The following PTCD2 variants were observed in gnomAD, a reference collection of about 807,000 sequenced individuals.
PTCD2 encodes pentatricopeptide repeat-containing protein 2, mitochondrial.
PTCD2 carries 31 observed loss-of-function variants against 42.6 expected under a neutral mutation model. The observed-to-expected ratio is 0.73, with a 90% CI of 0.55 to 0.98. PTCD2 has a LOEUF of 0.98. Among genes scored for constraint, PTCD2 ranks in the 50% least tolerant of loss-of-function variants. PTCD2 has a pLI of 0.00. For missense variants in PTCD2, 476 were observed against 454.8 expected (o/e 1.05, Z -0.42); for synonymous variants, 183 against 170.9 (o/e 1.07, Z -0.55).
At chr5:72,324,368 C>A (rs1751023023) in intron 2 of PTCD2, among the ~76,000 whole-genome samples, 1 of 152,218 alleles carries the variant, frequency 6.6e-6, no homozygotes, top group Non-Finnish European at 1.5e-5. Flanking sequence ...TTAACATACT[C>A]ATCTCTCTGG....
intron 6 of PTCD2, among the ~76,000 whole-genome samples, chr5:72,337,505 C>G (rs1751812953): frequency 6.6e-6 from 1 of 152,066 alleles, no homozygotes; most frequent in Non-Finnish European, 1.5e-5. Flanking sequence ...AATTTCAATT[C>G]TACTTAGAGG....
In PTCD2 at chr5:72,368,122, T is replaced by C. The variant is rs1301991077; in HGVS notation, c.*9695T>C. On this transcript the variant is annotated 3_prime_UTR_variant, in exon 10 of 10. Coordinates refer to ENST00000380639, the MANE Select transcript of PTCD2 (RefSeq NM_024754.5). Reference sequence around the variant, plus strand: ...AATTCCACATTTCACTTTGCAGGTGTAGACATGACTTTTAGGTTGTTGATG... The same window carrying C: ...AATTCCACATTTCACTTTGCAGGTGCAGACATGACTTTTAGGTTGTTGATG... The C allele has an allele frequency of 1.3e-5, 2 of 152,228 alleles. No homozygotes were observed. The highest frequency in any genetic ancestry group is 4.8e-5 in the African/African-American group (2 of 41,450). 9.4% of individuals were successfully genotyped at this position (152,228 alleles called of 1,614,324 possible).
Position 72,345,493 on chromosome 5 carries a change from C to T in PTCD2, c.828+2457C>T, listed in dbSNP as rs185547712. Among the ~76,000 whole-genome samples the T allele has an allele frequency of 5.8e-4, 89 of 152,288 alleles. 1 individual carries two copies. In the East Asian group the frequency reaches 0.012, roughly 21 times the overall value. ...ACGGGATTAAGAGATTAAAGACAGG[C>T]ATAGGAAATCACAAGGGTATTGATT... On this transcript the variant is annotated intron_variant, in intron 8 of 9. Coordinates refer to ENST00000380639, the MANE Select transcript of PTCD2 (RefSeq NM_024754.5).
chr5:72,363,110 A>G lies in PTCD2; in HGVS notation c.*4683A>G, dbSNP rs1561403691. The G allele has an allele frequency of 6.6e-6, 1 of 152,248 alleles. No homozygotes were observed. Among genetic ancestry groups the G allele is most frequent in the Admixed American group, 6.5e-5 (1 of 15,280 alleles). The allele number at this position is 152,248 out of a possible 1,614,324, so 9.4% of individuals were successfully genotyped here. A position where few individuals can be genotyped will look rare whatever the true frequency, so the allele number is the denominator to read the frequency against. On this transcript the variant is annotated 3_prime_UTR_variant, in exon 10 of 10. Transcript: ENST00000380639. Reference sequence around the variant, plus strand: ...AAAACTTCTTATGAACTCTGGTTATACTGAAAACAGGAGTCATGGGAGACT... The same window carrying G: ...AAAACTTCTTATGAACTCTGGTTATGCTGAAAACAGGAGTCATGGGAGACT...
chr5:72,327,070 C>T (rs1751181743), intron 3 of PTCD2, among the ~76,000 whole-genome samples: 1 of 152,238 alleles, frequency 6.6e-6, no homozygotes, highest in Non-Finnish European at 1.5e-5. Flanking sequence ...TTCCTTCTCA[C>T]TGGCTAGTCA....
Position 72,363,099 on chromosome 5 carries a change from A to T in PTCD2, c.*4672A>T, listed in dbSNP as rs1009986485. On this transcript the variant is annotated 3_prime_UTR_variant, in exon 10 of 10. Transcript: ENST00000380639. ...TGCAGTGAACTAAAACTTCTTATGAACTCTGGTTATACTGAAAACAGGAGT... is the reference window on the plus strand; with the variant it reads ...TGCAGTGAACTAAAACTTCTTATGATCTCTGGTTATACTGAAAACAGGAGT... The T allele has an allele frequency of 6.6e-6, 1 of 152,114 alleles. No homozygotes were observed. The highest frequency in any genetic ancestry group is 1.5e-5 in the Non-Finnish European group (1 of 68,018). The allele number at this position is 152,114 out of a possible 1,614,324, so 9.4% of individuals were successfully genotyped here. A position where few individuals can be genotyped will look rare whatever the true frequency, so the allele number is the denominator to read the frequency against.
chr5:72,321,685 C>A (rs555630471), intron 1 of PTCD2, among the ~76,000 whole-genome samples: 1 of 152,296 alleles, frequency 6.6e-6, no homozygotes, highest in South Asian at 2.1e-4. Context: ...ATCTGAGAGG[C>A]CTTAACCCCC....
At chr5:72,353,030 A>G (rs1395967097) in intron 9 of PTCD2, among the ~76,000 whole-genome samples, 1 of 152,044 alleles carries the variant, frequency 6.6e-6, no homozygotes, top group Admixed American at 6.6e-5. Context: ...CTTCTAGATG[A>G]CGATTTTACA....
chr5:72,344,893 A>G (rs940425198), intron 8 of PTCD2, among the ~76,000 whole-genome samples: 1 of 152,198 alleles, frequency 6.6e-6, no homozygotes, highest in African/African-American at 2.4e-5. Context: ...GTAGAATATC[A>G]CAAGGTAAAT....
rs545731866 is a variant in PTCD2, at chr5:72,358,482, C to G, written c.*55C>G. 4.2e-5 allele frequency: 56 copies of G among 1,336,138 alleles called. No homozygotes were observed. In the South Asian group the frequency reaches 6.5e-4, roughly 15 times the overall value. 82.8% of individuals were successfully genotyped at this position (1,336,138 alleles called of 1,614,324 possible). On this transcript the variant is annotated 3_prime_UTR_variant, in exon 10 of 10. Coordinates refer to ENST00000380639, the MANE Select transcript of PTCD2 (RefSeq NM_024754.5). Reference sequence around the variant, plus strand: ...GGGGCCTGCTTCTAGTGAGTTATTACCTTTCCTAAGAAGCCAGGTATCGCA... The same window carrying G: ...GGGGCCTGCTTCTAGTGAGTTATTAGCTTTCCTAAGAAGCCAGGTATCGCA...
At chr5:72,324,504 C>G (rs929552454) in intron 2 of PTCD2, among the ~76,000 whole-genome samples, 6 of 152,178 alleles carry the variant, frequency 3.9e-5, no homozygotes, top group African/African-American at 1.2e-4. Context: ...ATTTCCTTAC[C>G]TAGAATATCC....
chr5:72,345,551 A>G (rs1752316980), intron 8 of PTCD2, among the ~76,000 whole-genome samples: 1 of 152,236 alleles, frequency 6.6e-6, no homozygotes. Context: ...AAATCTTAAC[A>G]ATTTATGTTC....
chr5:72,320,585 T>A, intron 1 of PTCD2, 76 bp downstream of exon 1: 2 of 1,590,656 alleles, frequency 1.3e-6, no homozygotes, highest in Non-Finnish European at 1.7e-6. Context: ...CTAGCATCTC[T>A]GTGGAGCAGC....
intron 2 of PTCD2, among the ~76,000 whole-genome samples, chr5:72,325,797 C>T (rs758917417): frequency 1.3e-5 from 2 of 152,212 alleles, no homozygotes; most frequent in Non-Finnish European, 2.9e-5. Context: ...GTTCTGCCTT[C>T]TGGAAAGCAG....
At chr5:72,326,807 T>C in intron 3 of PTCD2, 66 bp downstream of exon 3, 1 of 1,538,158 alleles carries the variant, frequency 6.5e-7, no homozygotes, top group Non-Finnish European at 8.8e-7. Flanking sequence ...CTATGAGCAG[T>C]CTGATCCACT....
chr5:72,328,994 G>A (rs1751286588), intron 3 of PTCD2, among the ~76,000 whole-genome samples: 1 of 152,140 alleles, frequency 6.6e-6, no homozygotes, highest in African/African-American at 2.4e-5. Context: ...AAGTCACACT[G>A]TATCTACAAA....
In PTCD2 at chr5:72,354,382, GAAAAAAAAAAAA is replaced by G. The variant is rs35170727; in HGVS notation, c.942+1643_942+1654del. The stretch of plus-strand genomic sequence containing the variant: ...CTGGCGACAGAATGAGACTCCATCT[GAAAAAAAAAAAA>G]AAAAAAAAAAAAAAGCTCTTTTTGA... On this transcript the variant is annotated intron_variant, in intron 9 of 9. Transcript: ENST00000380639. 3.5e-3 allele frequency among the ~76,000 whole-genome samples: 105 copies of G among 29,810 alleles called. 2 individuals are homozygous for G. The highest frequency in any genetic ancestry group is 0.015 in the African/African-American group (97 of 6,576). 19.6% of individuals were successfully genotyped at this position (29,810 alleles called of 152,430 possible).
At chr5:72,343,264 G>A (rs1752168048) in intron 8 of PTCD2, among the ~76,000 whole-genome samples, 3 of 152,196 alleles carry the variant, frequency 2.0e-5, no homozygotes, top group African/African-American at 7.2e-5. Flanking sequence ...ACAGGTTGGA[G>A]AGAGGTAGAT....
rs778325261 is a variant in PTCD2 at position 72,338,644 on chromosome 5, TCTGTA to T, written c.665_669del (p.Cys222TyrfsTer30). On this transcript the variant is annotated frameshift_variant, in exon 7 of 10. Transcript: ENST00000380639. LOFTEE classifies it high-confidence loss of function. ...CAGAATAGCCCTGAGTCTTTCAAAATCTGTACTACATTAAGAGAAGAAGCTCTACT... is the reference window on the plus strand; with the variant it reads ...CAGAATAGCCCTGAGTCTTTCAAAATCTACATTAAGAGAAGAAGCTCTACT... 3.7e-6 allele frequency: 6 copies of T among 1,607,116 alleles called. No individual in the cohort carries two copies. The highest frequency in any genetic ancestry group is 1.7e-4 in the Middle Eastern group (1 of 6,050).
Sources: gnomAD v4.1 joint callset for allele counts (sites outside exome capture counted in the v4.1 genomes callset) on GRCh38, gnomAD v4.1.1 for gene constraint, MANE v1.5 for transcripts, NCBI Gene and HGNC (gene_info 2026-07-23, HGNC 2026-07-21) for gene names.